CCSER1: variants seen among roughly 807,000 people sequenced by gnomAD.
The protein encoded by CCSER1 is serine-rich coiled-coil domain-containing protein 1.
CCSER1 carries 41 observed loss-of-function variants against 82.0 expected under a neutral mutation model. The observed-to-expected ratio is 0.50, with a 90% CI of 0.39 to 0.65. The LOEUF (loss-of-function observed/expected upper bound fraction) is 0.65, where lower values mean the gene tolerates loss of function less well. Among genes scored for constraint, CCSER1 ranks in the 30% least tolerant of loss-of-function variants. The probability of loss-of-function intolerance (pLI) is 0.00; values close to 1 mark genes in which losing one functional copy is unlikely to be tolerated. For missense variants in CCSER1, 1,119 were observed against 1,064.2 expected (o/e 1.05, Z -0.72); for synonymous variants, 414 against 383.9 (o/e 1.08, Z -0.92).
At chr4:91,023,885 T>C (rs1740242348) in intron 9 of CCSER1, among the ~76,000 whole-genome samples, 2 of 152,334 alleles carry the variant, frequency 1.3e-5, no homozygotes, top group Non-Finnish European at 2.9e-5. Flanking sequence ...ATAAGTATTT[T>C]CTTAGCTATC....
chr4:90,616,738 CAAATAAAATA>C (rs137979641), intron 5 of CCSER1, among the ~76,000 whole-genome samples: 1 of 57,762 alleles, frequency 1.7e-5, no homozygotes, highest in Admixed American at 1.6e-4. Context: ...CACACACACA[CAAATAAAATA>C]AAATAAAAGG....
chr4:90,930,440 A>C (rs1729592816), intron 9 of CCSER1, among the ~76,000 whole-genome samples: 1 of 151,702 alleles, frequency 6.6e-6, no homozygotes, highest in Admixed American at 6.6e-5. Flanking sequence ...TCTCTACTAA[A>C]AATTTAAAAA....
intron 10 of CCSER1, among the ~76,000 whole-genome samples, chr4:91,405,583 G>A (rs540356194): frequency 2.9e-4 from 44 of 152,264 alleles, no homozygotes; most frequent in Admixed American, 7.8e-4. Flanking sequence ...AATGGCTGGC[G>A]CCCCTCCCCC....
chr4:90,873,270 C>T (rs927548371), intron 8 of CCSER1, among the ~76,000 whole-genome samples: 1 of 151,800 alleles, frequency 6.6e-6, no homozygotes, highest in Non-Finnish European at 1.5e-5. Flanking sequence ...CTTTTTAATT[C>T]TTTTTTCTTT....
At chr4:91,062,401 T>G (rs547137370) in intron 9 of CCSER1, among the ~76,000 whole-genome samples, 5 of 152,200 alleles carry the variant, frequency 3.3e-5, no homozygotes, top group Admixed American at 3.3e-4. Context: ...ATTGTACAGA[T>G]TCACTCTGTC....
Position 90,161,984 on chromosome 4 carries a change from A to C in CCSER1, c.-42+34153A>C, listed in dbSNP as rs573150494. Reference sequence around the variant, plus strand: ...TAGACAAATGTTGCATTGGAAAGTAAGGCTCTATCTGTGTCCATATCAAGT... The same window carrying C: ...TAGACAAATGTTGCATTGGAAAGTACGGCTCTATCTGTGTCCATATCAAGT... On this transcript the variant is annotated intron_variant, in intron 1 of 10. Coordinates refer to ENST00000509176, the MANE Select transcript of CCSER1 (RefSeq NM_001145065.2). 7.2e-5 allele frequency among the ~76,000 whole-genome samples: 11 copies of C among 152,240 alleles called. 1 individual carries two copies. The highest frequency in any genetic ancestry group is 2.4e-4 in the African/African-American group (10 of 41,580).
chr4:91,348,895 A>T (rs1042883124), intron 10 of CCSER1, among the ~76,000 whole-genome samples: 1 of 152,004 alleles, frequency 6.6e-6, no homozygotes, highest in Non-Finnish European at 1.5e-5. Flanking sequence ...TGATTTTTTA[A>T]AATTAATTAA....
chr4:90,916,838 C>T (rs2150221686), intron 8 of CCSER1, among the ~76,000 whole-genome samples: 1 of 152,160 alleles, frequency 6.6e-6, no homozygotes, highest in African/African-American at 2.4e-5. Flanking sequence ...ACAACCCCAT[C>T]AAAAAGTGGG....
intron 9 of CCSER1, among the ~76,000 whole-genome samples, chr4:91,083,568 GAAATA>G (rs907293158): frequency 1.1e-4 from 16 of 151,474 alleles, no homozygotes; most frequent in African/African-American, 2.2e-4. Flanking sequence ...AAAGTAAAAT[GAAATA>G]AAATAAAAAC....
intron 1 of CCSER1, among the ~76,000 whole-genome samples, chr4:90,143,483 T>TACACACAC (rs1331230610): frequency 5.1e-5 from 4 of 78,284 alleles, no homozygotes; most frequent in African/African-American, 9.0e-5. Flanking sequence ...TCCTAGCAAG[T>TACACACAC]ACACACATAC....
intron 6 of CCSER1, among the ~76,000 whole-genome samples, chr4:90,660,226 A>G (rs1422171082): frequency 3.3e-5 from 5 of 152,028 alleles, no homozygotes; most frequent in Non-Finnish European, 5.9e-5. Flanking sequence ...AGATACCTGC[A>G]CTCACATCTT....
At chr4:91,499,690 T>C (rs1759104594) in intron 10 of CCSER1, among the ~76,000 whole-genome samples, 1 of 151,946 alleles carries the variant, frequency 6.6e-6, no homozygotes, top group Non-Finnish European at 1.5e-5. Flanking sequence ...CTATAGTTTT[T>C]ACTTTTCCAA....
intron 1 of CCSER1, among the ~76,000 whole-genome samples, chr4:90,295,773 A>G (rs1731773581): frequency 6.6e-6 from 1 of 152,046 alleles, no homozygotes. Flanking sequence ...CCATGGGATC[A>G]GTCTGAAGCT....
intron 10 of CCSER1, among the ~76,000 whole-genome samples, chr4:91,344,966 G>T (rs1354100839): frequency 6.6e-6 from 1 of 152,172 alleles, no homozygotes; most frequent in Non-Finnish European, 1.5e-5. Context: ...AACTTAAGTA[G>T]AAAATATTAA....
chr4:91,511,184 GTC>G (rs1429040339), intron 10 of CCSER1, among the ~76,000 whole-genome samples: 3 of 152,096 alleles, frequency 2.0e-5, no homozygotes, highest in Admixed American at 6.5e-5. Flanking sequence ...ATTGGTTGAT[GTC>G]TCTGTTTCAG....
chr4:91,068,355 C>G (rs572424204), intron 9 of CCSER1, among the ~76,000 whole-genome samples: 1 of 152,280 alleles, frequency 6.6e-6, no homozygotes, highest in African/African-American at 2.4e-5. Context: ...AAACATTGAT[C>G]TGTGAGATAA....
intron 9 of CCSER1, among the ~76,000 whole-genome samples, chr4:91,081,176 C>T (rs538719699): frequency 1.6e-4 from 25 of 152,178 alleles, no homozygotes; most frequent in Admixed American, 9.8e-4. Flanking sequence ...ACTGGAAAAC[C>T]GAATTAGGCA....
chr4:91,033,978 T>G (rs964079903), intron 9 of CCSER1, among the ~76,000 whole-genome samples: 9 of 152,174 alleles, frequency 5.9e-5, no homozygotes, highest in African/African-American at 2.2e-4. Context: ...AAGAGCTCAA[T>G]TGTCCCACCA....
At chr4:90,233,499 G>A (rs1053192284) in intron 1 of CCSER1, among the ~76,000 whole-genome samples, 3 of 152,102 alleles carry the variant, frequency 2.0e-5, no homozygotes, top group African/African-American at 7.2e-5. Flanking sequence ...GGGAGGGATA[G>A]CATGGGGAGA....
Sources: gnomAD v4.1 joint callset for allele counts (sites outside exome capture counted in the v4.1 genomes callset) on GRCh38, gnomAD v4.1.1 for gene constraint, MANE v1.5 for transcripts, NCBI Gene and HGNC (gene_info 2026-07-23, HGNC 2026-07-21) for gene names.